The following PIAS3 variants were observed in gnomAD, a reference collection of about 807,000 sequenced individuals.
The protein encoded by PIAS3 is E3 SUMO-protein ligase PIAS3.
PIAS3 carries 34 observed loss-of-function variants against 67.6 expected under a neutral mutation model. The observed-to-expected ratio is 0.50, with a 90% CI of 0.38 to 0.67. The LOEUF (loss-of-function observed/expected upper bound fraction) is 0.67. PIAS3 is among the 30% of genes least tolerant of loss of function. PIAS3 has a pLI of 0.00. For synonymous variants in PIAS3, 341 were observed against 313.8 expected, an observed-to-expected ratio of 1.09 and a Z score of -0.92; for missense variants, 693 against 791.6, an observed-to-expected ratio of 0.88 and a Z score of 1.49.
intron 5 of PIAS3, among the ~76,000 whole-genome samples, 175 bp downstream of exon 5, chr1:145,855,561 T>C (rs114377866): frequency 6.1e-4 from 93 of 152,268 alleles, no homozygotes; most frequent in African/African-American, 2.2e-3. Context: ...TCACAAAACC[T>C]TTGTTCAGCC....
intron 9 of PIAS3, chr1:145,851,417 A>G: frequency 2.7e-6 from 1 of 364,268 alleles, no homozygotes; most frequent in Admixed American, 4.0e-5. Context: ...GCACTTTGGG[A>G]GGTACAGGCA....
At position 145,849,582 on chromosome 1, in the gene PIAS3, G is replaced by A. The variant is rs1438946009; in HGVS notation, c.1751C>T (p.Ala584Val). Reference sequence around the variant, plus strand: ...ACGGCCAGGAGGGGGCGCCGGAGTGGCGCTGCAGTGGGAGCTCCCCAGCGT... The same window carrying A: ...ACGGCCAGGAGGGGGCGCCGGAGTGACGCTGCAGTGGGAGCTCCCCAGCGT... ...APTLGSSHCS[A>V]TPAPPPGRVS... Residue 584 changes from alanine to valine, a missense_variant, in exon 14 of 14, where the codon GCC becomes GTC. Around this residue, in one of 3 missense-constraint regions of PIAS3, gnomAD observed 270 missense variants for 261.0 expected, o/e 1.03. Coordinates refer to ENST00000393045, the MANE Select transcript of PIAS3 (RefSeq NM_006099.3). 1 of 1,612,800 alleles carries A rather than the reference G, an allele frequency of 6.2e-7. No individual in the cohort carries two copies. Among genetic ancestry groups the A allele is most frequent in the Non-Finnish European group, 8.5e-7 (1 of 1,179,450 alleles).
chr1:145,856,932 C>T lies in PIAS3; in HGVS notation c.99G>A (p.Arg33=). The T allele has an allele frequency of 6.2e-7, 1 of 1,614,134 alleles. No homozygotes were observed. Among genetic ancestry groups the T allele is most frequent in the Non-Finnish European group, 8.5e-7 (1 of 1,179,984 alleles). ...GAGCCTTGGCCAGGAGCTCGTGCTT[C>T]CGTCCACTCTTGTTCCGGCCAGCAA... is the stretch of plus-strand genomic sequence containing the variant. ...LGFAGRNKSG[R]KHELLAKALH... Residue 33 remains arginine (R), a synonymous_variant, in exon 2 of 14, where the codon CGG becomes CGA. Transcript: ENST00000393045.
At chr1:145,858,030 G>A (rs1653263170) in intron 1 of PIAS3, among the ~76,000 whole-genome samples, 1 of 152,146 alleles carries the variant, frequency 6.6e-6, no homozygotes, top group African/African-American at 2.4e-5. Context: ...AAACCAGGAG[G>A]CAGGCGGATG....
chr1:145,854,354 G>A, intron 7 of PIAS3, 104 bp downstream of exon 7: 5 of 767,528 alleles, frequency 6.5e-6, no homozygotes, highest in Non-Finnish European at 1.1e-5. Flanking sequence ...GTGAGAAGGG[G>A]AGTAAGTTGT....
chr1:145,851,242 G>A, intron 9 of PIAS3, 89 bp from the exon 10 acceptor site: 1 of 1,323,658 alleles, frequency 7.6e-7, no homozygotes, highest in South Asian at 1.2e-5. Flanking sequence ...CTGTATCTCA[G>A]TTTCCTCATC....
At chr1:145,858,898 C>T (rs1653307000) in intron 1 of PIAS3, 69 bp downstream of exon 1, 1 of 1,401,388 alleles carries the variant, frequency 7.1e-7, no homozygotes, top group Admixed American at 3.4e-5. Flanking sequence ...CACCCAGTCT[C>T]GGTCGCTTCC....
rs1157408790 is a variant in PIAS3, at chr1:145,858,986, G to A, written c.5C>T (p.Ala2Val). 6.5e-7 allele frequency: 1 copy of A among 1,544,206 alleles called. No individual in the cohort carries two copies. The highest frequency in any genetic ancestry group is 1.4e-5 in the African/African-American group (1 of 71,676). M[A>V]ELGELKHMVM... ...CGGTACCTTTAATTCGCCCAGCTCCGCCATCTTGAGACATCGCAGGCGCCC... is the reference window on the plus strand; with the variant it reads ...CGGTACCTTTAATTCGCCCAGCTCCACCATCTTGAGACATCGCAGGCGCCC... The change falls in exon 1 of 14, where the codon GCG becomes GTG. Residue 2 changes from alanine to valine, a missense_variant. By Grantham distance (64) the Ala-to-Val change is moderately conservative (BLOSUM62 0). Coordinates refer to ENST00000393045, the MANE Select transcript of PIAS3 (RefSeq NM_006099.3).
intron 13 of PIAS3, 164 bp downstream of exon 13, chr1:145,850,068 G>A: frequency 2.0e-6 from 3 of 1,468,524 alleles, no homozygotes; most frequent in East Asian, 4.7e-5. Flanking sequence ...GGAATCTCAG[G>A]AACTACCAGT....
Position 145,850,486 on chromosome 1 carries a change from G to C in PIAS3, c.1549C>G (p.Pro517Ala). 1 of 1,614,198 alleles carries C rather than the reference G, an allele frequency of 6.2e-7. No individual in the cohort carries two copies. The highest frequency in any genetic ancestry group is 1.1e-5 in the South Asian group (1 of 91,086). The change falls in exon 12 of 14, where the codon CCA becomes GCA. Residue 517 changes from proline (P) to alanine (A), a missense_variant. This residue lies in a region of PIAS3 where 270 missense variants were observed against 261.0 expected (regional missense o/e 1.03). Transcript: ENST00000393045. ...FLSSLPLHEY[P>A]PAFPLGADIQ... is the part of the protein sequence containing the mutation. ...TCGGCTCCCAGTGGGAAGGCAGGTG[G>C]GTACTCATGTAGTGGGAGACTGGAC...
chr1:145,849,627 A>G lies in PIAS3; in HGVS notation c.1706T>C (p.Phe569Ser), dbSNP rs1652874303. The change falls in exon 14 of 14, where the codon TTT (phenylalanine) becomes TCT (serine). Residue 569 changes from phenylalanine (F) to serine (S), a missense_variant. Around this residue, in one of 3 missense-constraint regions of PIAS3, gnomAD observed 270 missense variants for 261.0 expected, o/e 1.03. Transcript: ENST00000393045. ...FFQYRGTPSH[F>S]LGPLAPTLGS... ...CAGCGTGGGGGCCAGTGGGCCCAGA[A>G]AGTGAGAAGGGGTCCCTCGGTACTG... is the stretch of plus-strand genomic sequence containing the variant. The G allele has an allele frequency of 1.9e-6, 3 of 1,613,404 alleles. 1 individual carries two copies. Among genetic ancestry groups the G allele is most frequent in the South Asian group, 2.2e-5 (2 of 90,920 alleles).
chr1:145,848,553 C>T lies in PIAS3; in HGVS notation c.*893G>A. On this transcript the variant is annotated 3_prime_UTR_variant, in exon 14 of 14. Transcript: ENST00000393045. ...TCACAACCTTTATTATGGGTGAGAG[C>T]TTCACTACAACTTTAGAAATAAAAA... 1.0e-6 allele frequency: 1 copy of T among 1,004,740 alleles called. No homozygotes were observed. Among genetic ancestry groups the T allele is most frequent in the East Asian group, 2.4e-5 (1 of 41,896 alleles). The allele number at this position is 1,004,740 out of a possible 1,614,324, so 62.2% of individuals were successfully genotyped here.
At chr1:145,857,313 A>C (rs1570780284) in intron 1 of PIAS3, 1 of 409,110 alleles carries the variant, frequency 2.4e-6, no homozygotes, top group Admixed American at 3.6e-5. Context: ...CCTCAGACAC[A>C]CCTCCGAGTC....
At chr1:145,857,533 C>G (rs1653242437) in intron 1 of PIAS3, 1 of 159,550 alleles carries the variant, frequency 6.3e-6, no homozygotes, top group Non-Finnish European at 1.4e-5. Context: ...CAGCCCACCC[C>G]TCCCAACCAC....
rs201021857 is a variant in PIAS3, at chr1:145,856,338, G to C, written c.527+9C>G. ...CAGGGATGAGGCAGGAAGACTGGAA[G>C]AGATGTACCTGGATGTAAGAATCTG... is the stretch of plus-strand genomic sequence containing the variant. On this transcript the variant is annotated intron_variant, in intron 3 of 13. Coordinates refer to ENST00000393045, the MANE Select transcript of PIAS3 (RefSeq NM_006099.3). 85 of 1,609,252 alleles carry C rather than the reference G, an allele frequency of 5.3e-5. No homozygotes were observed. The Admixed American group carries it at 1.4e-3, about 26-fold the overall frequency.
At chr1:145,850,682 C>T (rs1553734080) in intron 11 of PIAS3, 89 bp downstream of exon 11, 1 of 1,595,952 alleles carries the variant, frequency 6.3e-7, no homozygotes, top group Non-Finnish European at 8.6e-7. Context: ...CCACATTTCT[C>T]TTGCCCCAGG....
At chr1:145,851,655 C>CAACA (rs1652968527) in intron 9 of PIAS3, among the ~76,000 whole-genome samples, 1 of 41,818 alleles carries the variant, frequency 2.4e-5, no homozygotes, top group African/African-American at 9.1e-5. Flanking sequence ...GGCTCTGCCT[C>CAACA]AAAAAAAAAA....
intron 2 of PIAS3, 65 bp from the exon 3 acceptor site, chr1:145,856,496 C>T (rs1653192331): frequency 1.9e-6 from 3 of 1,599,156 alleles, no homozygotes; most frequent in Admixed American, 3.3e-5. Context: ...TCGCCCCCAT[C>T]CCAGGTCACT....
At chr1:145,852,711 C>T (rs1056176635) in intron 9 of PIAS3, among the ~76,000 whole-genome samples, 1 of 152,108 alleles carries the variant, frequency 6.6e-6, no homozygotes, top group African/African-American at 2.4e-5. Flanking sequence ...CTGCCTCAGC[C>T]TCCTGAGCAG....
Sources: gnomAD v4.1 joint callset for allele counts (sites outside exome capture counted in the v4.1 genomes callset) on GRCh38, gnomAD v4.1.1 for gene constraint, gnomAD v4.1.1 regional missense constraint, MANE v1.5 for transcripts, NCBI Gene and HGNC (gene_info 2026-07-23, HGNC 2026-07-21) for gene names.